Variants in LUZP2 observed in about 807,000 individuals in gnomAD.
LUZP2 encodes leucine zipper protein 2.
LUZP2 carries 52 observed loss-of-function variants against 51.6 expected under a neutral mutation model. The ratio of observed to expected loss-of-function variants is 1.01; its 90% CI spans 0.81 to 1.27. The LOEUF is 1.27. Among genes scored for constraint, LUZP2 ranks in the 50% most tolerant of loss-of-function variants. The pLI, the probability that LUZP2 is intolerant of heterozygous loss-of-function variation, is 0.00. For synonymous variants in LUZP2, 154 were observed against 137.3 expected (o/e 1.12, Z -0.85); for missense variants, 436 against 395.4 (o/e 1.10, Z -0.87).
intron 1 of LUZP2, among the ~76,000 whole-genome samples, chr11:24,728,315 A>AAC (rs57635363): frequency 0.36 from 53,997 of 150,996 alleles, 9,959 homozygotes; most frequent in Non-Finnish European, 0.4. Context: ...ATTAAACACA[A>AAC]ACACACACAC....
intron 1 of LUZP2, among the ~76,000 whole-genome samples, chr11:24,687,280 C>T (rs1856925621): frequency 6.6e-6 from 1 of 151,970 alleles, no homozygotes; most frequent in Admixed American, 6.6e-5. Flanking sequence ...ACACTGATGA[C>T]TAAATATACT....
chr11:24,971,887 C>A (rs1855747554), intron 7 of LUZP2, among the ~76,000 whole-genome samples: 1 of 151,952 alleles, frequency 6.6e-6, no homozygotes, highest in South Asian at 2.1e-4. Context: ...TGCTTGTAAT[C>A]CCAGCTCTTT....
chr11:24,920,970 AAC>A (rs1307705123), intron 7 of LUZP2, among the ~76,000 whole-genome samples: 1 of 152,180 alleles, frequency 6.6e-6, no homozygotes, highest in Non-Finnish European at 1.5e-5. Flanking sequence ...TATTTTTAAA[AAC>A]ACATAAAAAT....
intron 1 of LUZP2, among the ~76,000 whole-genome samples, chr11:24,572,591 T>C (rs765406341): frequency 3.9e-5 from 6 of 152,002 alleles, no homozygotes; most frequent in Non-Finnish European, 7.4e-5. Context: ...TCACCACATA[T>C]GTAAAACTAC....
intron 5 of LUZP2, among the ~76,000 whole-genome samples, chr11:24,902,258 C>G (rs1362513139): frequency 6.6e-6 from 1 of 152,016 alleles, no homozygotes; most frequent in African/African-American, 2.4e-5. Context: ...TATTTTGGCA[C>G]CCAGGTACTA....
chr11:24,791,602 T>C (rs926504770), intron 5 of LUZP2, among the ~76,000 whole-genome samples: 2 of 152,110 alleles, frequency 1.3e-5, no homozygotes, highest in Admixed American at 6.5e-5. Context: ...GTATATTTTA[T>C]TTTCATCTCT....
intron 1 of LUZP2, among the ~76,000 whole-genome samples, chr11:24,601,888 G>GTA (rs34392590): frequency 0.7 from 72,361 of 103,958 alleles, 22,887 homozygotes; most frequent in Middle Eastern, 0.82. Context: ...ATGTATATAT[G>GTA]TATATATGTA....
chr11:24,588,323 G>T (rs1048088517), intron 1 of LUZP2, among the ~76,000 whole-genome samples: 3 of 152,060 alleles, frequency 2.0e-5, no homozygotes, highest in South Asian at 4.1e-4. Context: ...TATAAATCTC[G>T]CCATGGGCAA....
intron 7 of LUZP2, among the ~76,000 whole-genome samples, chr11:24,952,335 A>G (rs1398443790): frequency 6.6e-6 from 1 of 151,778 alleles, no homozygotes; most frequent in African/African-American, 2.4e-5. Flanking sequence ...GCAGGCACCT[A>G]TATAATTTAT....
intron 1 of LUZP2, among the ~76,000 whole-genome samples, chr11:24,676,930 G>T (rs1471812937): frequency 6.6e-6 from 1 of 152,090 alleles, no homozygotes; most frequent in Non-Finnish European, 1.5e-5. Flanking sequence ...GCCTCCAAAA[G>T]TTCTGGAATT....
intron 5 of LUZP2, among the ~76,000 whole-genome samples, chr11:24,862,278 A>T (rs531103526): frequency 1.3e-5 from 2 of 152,318 alleles, no homozygotes; most frequent in African/African-American, 2.4e-5. Flanking sequence ...TCAACCCAGA[A>T]TTTTATATCC....
chr11:24,594,011 C>T (rs61875661), intron 1 of LUZP2, among the ~76,000 whole-genome samples: 12,987 of 152,142 alleles, frequency 0.085, 637 homozygotes, highest in Admixed American at 0.12. Flanking sequence ...GCCAGAGTGC[C>T]TGGCACTTAG....
chr11:24,506,795 T>A (rs1447485212), intron 1 of LUZP2, among the ~76,000 whole-genome samples: 2 of 152,080 alleles, frequency 1.3e-5, no homozygotes, highest in Non-Finnish European at 2.9e-5. Context: ...CTATCCCATA[T>A]TCCCCCAGCT....
intron 7 of LUZP2, among the ~76,000 whole-genome samples, chr11:24,965,826 G>A (rs1157697779): frequency 6.6e-6 from 1 of 151,738 alleles, no homozygotes; most frequent in Non-Finnish European, 1.5e-5. Context: ...TTGACTAGAT[G>A]TGTCTATTAC....
intron 5 of LUZP2, among the ~76,000 whole-genome samples, chr11:24,861,177 A>G (rs1851730245): frequency 6.6e-6 from 1 of 152,178 alleles, no homozygotes; most frequent in African/African-American, 2.4e-5. Context: ...CAACAGACAA[A>G]TCAACCAAGT....
chr11:24,981,921 A>C (rs1856042436), intron 8 of LUZP2, among the ~76,000 whole-genome samples: 1 of 136,568 alleles, frequency 7.3e-6, no homozygotes, highest in African/African-American at 2.6e-5. Flanking sequence ...AGAAAAACAA[A>C]CAACCTCATT....
chr11:24,616,534 C>T (rs1055253826), intron 1 of LUZP2, among the ~76,000 whole-genome samples: 1 of 150,268 alleles, frequency 6.7e-6, no homozygotes, highest in African/African-American at 2.5e-5. Context: ...ATGTTCAATT[C>T]CCTCAACACC....
At chr11:24,834,083 T>C (rs1452937618) in intron 5 of LUZP2, among the ~76,000 whole-genome samples, 5 of 152,108 alleles carry the variant, frequency 3.3e-5, no homozygotes, top group Non-Finnish European at 7.4e-5. Flanking sequence ...TTTCCCTATA[T>C]GGTATTTTTT....
At chr11:25,024,901 C>T (rs1857441508) in intron 9 of LUZP2, among the ~76,000 whole-genome samples, 1 of 150,200 alleles carries the variant, frequency 6.7e-6, no homozygotes, top group Non-Finnish European at 1.5e-5. Context: ...AACTATACTA[C>T]AAGGCTACAA....
Sources: allele counts gnomAD v4.1 joint callset (sites outside exome capture counted in the v4.1 genomes callset), GRCh38; gene constraint gnomAD v4.1.1; transcripts MANE v1.5; gene names NCBI Gene and HGNC (gene_info 2026-07-23, HGNC 2026-07-21).